KCNMA1: variants seen among roughly 807,000 people sequenced by gnomAD.
KCNMA1 encodes potassium calcium-activated channel subfamily M alpha 1.
KCNMA1 carries 29 observed loss-of-function variants against 140.0 expected under a neutral mutation model. That is an observed-to-expected ratio of 0.21 (90% CI 0.15 to 0.28). KCNMA1 has a LOEUF of 0.28. Among genes scored for constraint, KCNMA1 ranks in the 10% least tolerant of loss-of-function variants. The pLI is 1.00. For synonymous variants in KCNMA1, 612 were observed against 611.9 expected, an observed-to-expected ratio of 1.00 and a Z score of 0.00; for missense variants, 880 against 1,602.2, an observed-to-expected ratio of 0.55 and a Z score of 7.70.
downstream of KCNMA1, chr10:76,872,798 C>A (rs2031613600): frequency 6.6e-6 from 1 of 152,204 alleles, no homozygotes; most frequent in Non-Finnish European, 1.5e-5. Flanking sequence ...GCAAACTCTT[C>A]TTTCTTTCAA....
chr10:77,366,438 G>A (rs1310590218), intron 2 of KCNMA1, among the ~76,000 whole-genome samples: 2 of 152,044 alleles, frequency 1.3e-5, no homozygotes, highest in Non-Finnish European at 2.9e-5. Context: ...CAAAGTGCTG[G>A]GATTACAGGC....
intron 25 of KCNMA1, chr10:76,904,303 G>A (rs1010208162): frequency 2.6e-5 from 4 of 152,178 alleles, no homozygotes; most frequent in Non-Finnish European, 4.4e-5. Flanking sequence ...CACTGGACAT[G>A]CAAACTCCTG....
chr10:76,880,643 T>A (rs1166470570), downstream of KCNMA1, among the ~76,000 whole-genome samples: 2 of 151,926 alleles, frequency 1.3e-5, no homozygotes, highest in Non-Finnish European at 2.9e-5. Flanking sequence ...CCATGGAGAG[T>A]GCTGCAAGTA....
chr10:77,538,207 C>T (rs1412942765), intron 1 of KCNMA1, among the ~76,000 whole-genome samples: 3 of 151,842 alleles, frequency 2.0e-5, no homozygotes, highest in African/African-American at 7.3e-5. Context: ...CTCACACATA[C>T]TCTCATATTC....
chr10:76,888,403 T>C (rs1003310188), intron 27 of KCNMA1: 21 of 152,190 alleles, frequency 1.4e-4, no homozygotes, highest in African/African-American at 4.1e-4. Flanking sequence ...TTAAAATATA[T>C]ATATGATGTT....
At position 77,331,775 on chromosome 10, in the gene KCNMA1, T is replaced by TC. The variant is rs536685062; in HGVS notation, c.540+72086dup. 6.6e-5 allele frequency among the ~76,000 whole-genome samples: 10 copies of TC among 152,108 alleles called. No homozygotes were observed. The East Asian group carries it at 1.2e-3, about 18-fold the overall frequency. ...GGCTGCAGGGAGCTATGATTGCACC[T>TC]CTATACTCCAGCCTGGGCAACAGAG... On this transcript the variant is annotated intron_variant, in intron 2 of 27. Coordinates refer to ENST00000286628, the MANE Select transcript of KCNMA1 (RefSeq NM_001161352.2).
chr10:77,572,321 T>A (rs1326309682), intron 1 of KCNMA1, among the ~76,000 whole-genome samples: 2 of 151,736 alleles, frequency 1.3e-5, no homozygotes, highest in East Asian at 1.9e-4. Context: ...GAAGGCTTCA[T>A]AGCCATCACT....
At chr10:77,021,974 C>T (rs908885641) in intron 16 of KCNMA1, among the ~76,000 whole-genome samples, 5 of 152,128 alleles carry the variant, frequency 3.3e-5, no homozygotes, top group Non-Finnish European at 7.3e-5. Flanking sequence ...ATACACATTC[C>T]AAATCTAGAA....
chr10:77,044,889 G>C (rs922960649), intron 14 of KCNMA1, among the ~76,000 whole-genome samples: 8 of 152,012 alleles, frequency 5.3e-5, no homozygotes, highest in African/African-American at 1.9e-4. Context: ...GGAGGTTGTG[G>C]TGTTAGGATT....
chr10:77,548,578 G>A (rs558454511), intron 1 of KCNMA1, among the ~76,000 whole-genome samples: 81 of 152,310 alleles, frequency 5.3e-4, no homozygotes, highest in Non-Finnish European at 9.3e-4. Flanking sequence ...GCAGCTCAGG[G>A]TTTATTCCCT....
chr10:77,183,322 C>A lies in KCNMA1; in HGVS notation c.808+99G>T, dbSNP rs2098817698. The A allele has an allele frequency of 1.6e-5, 13 of 807,880 alleles. No individual in the cohort carries two copies. In the East Asian group the frequency reaches 3.0e-4, roughly 19 times the overall value. 50.0% of individuals were successfully genotyped at this position (807,880 alleles called of 1,614,324 possible). On this transcript the variant is annotated intron_variant, in intron 5 of 27. Coordinates refer to ENST00000286628, the MANE Select transcript of KCNMA1 (RefSeq NM_001161352.2). ...CCGTTGTTCACATTAATACATACAACATTGTTTGTAGGGAGACAGCCCCCT... is the reference window on the plus strand; with the variant it reads ...CCGTTGTTCACATTAATACATACAAAATTGTTTGTAGGGAGACAGCCCCCT...
intron 13 of KCNMA1, among the ~76,000 whole-genome samples, chr10:77,075,062 T>C (rs796909787): frequency 5.9e-5 from 9 of 152,342 alleles, no homozygotes; most frequent in African/African-American, 2.2e-4. Flanking sequence ...GTGACAATCT[T>C]GTGCATCCTA....
intron 19 of KCNMA1, among the ~76,000 whole-genome samples, chr10:76,983,384 A>T (rs2080170649): frequency 6.6e-6 from 1 of 152,220 alleles, no homozygotes; most frequent in Admixed American, 6.5e-5. Flanking sequence ...TCCTATTCAA[A>T]GAGTAAAATA....
chr10:77,013,679 G>A (rs2091382022), intron 17 of KCNMA1, among the ~76,000 whole-genome samples: 1 of 152,098 alleles, frequency 6.6e-6, no homozygotes, highest in African/African-American at 2.4e-5. Flanking sequence ...TGTCAGGTGT[G>A]GTTCTAAGTA....
intron 2 of KCNMA1, among the ~76,000 whole-genome samples, chr10:77,365,039 C>A (rs1357063373): frequency 1.3e-5 from 2 of 152,170 alleles, no homozygotes; most frequent in African/African-American, 4.8e-5. Flanking sequence ...GTTTCTGTAG[C>A]ATTTTAATGA....
intron 2 of KCNMA1, among the ~76,000 whole-genome samples, chr10:77,267,143 C>T (rs1312178860): frequency 6.6e-6 from 1 of 152,158 alleles, no homozygotes; most frequent in African/African-American, 2.4e-5. Context: ...TCACAGAACC[C>T]AGTGCATCTA....
intron 23 of KCNMA1, among the ~76,000 whole-genome samples, chr10:76,916,235 T>C (rs1329438938): frequency 6.6e-6 from 1 of 152,180 alleles, no homozygotes; most frequent in Non-Finnish European, 1.5e-5. Flanking sequence ...ACATAAGGTA[T>C]ATGTGGACAC....
At position 77,218,933 on chromosome 10, in the gene KCNMA1, C is replaced by T. The variant is rs546644437; in HGVS notation, c.602+32262G>A. Among the ~76,000 whole-genome samples, 7 of 152,216 alleles carry T rather than the reference C, an allele frequency of 4.6e-5. No individual in the cohort carries two copies. In the South Asian group the frequency reaches 8.3e-4, roughly 18 times the overall value. ...AACTGTTGGCCTCAAGTGATCTGCC[C>T]GCCTCGGCCTCCCAAAGTGCTGGGA... On this transcript the variant is annotated intron_variant, in intron 3 of 27. Transcript: ENST00000286628.
At chr10:77,053,340 A>C (rs368523925) in intron 14 of KCNMA1, among the ~76,000 whole-genome samples, 1 of 152,228 alleles carries the variant, frequency 6.6e-6, no homozygotes, top group East Asian at 1.9e-4. Context: ...GGGAAAGAAT[A>C]GTCAGCAAAT....
Sources: gnomAD v4.1 joint callset for allele counts (sites outside exome capture counted in the v4.1 genomes callset) on GRCh38, gnomAD v4.1.1 for gene constraint, MANE v1.5 for transcripts, NCBI Gene and HGNC (gene_info 2026-07-23, HGNC 2026-07-21) for gene names.